The following SYT7 variants were observed in gnomAD, a reference collection of about 807,000 sequenced individuals.
SYT7 encodes the protein synaptotagmin 7.
SYT7 carries 29 observed loss-of-function variants against 75.1 expected under a neutral mutation model. The ratio of observed to expected loss-of-function variants is 0.39; its 90% CI spans 0.29 to 0.53. The LOEUF (loss-of-function observed/expected upper bound fraction) is 0.53, where lower values mean the gene tolerates loss of function less well. Ranked by LOEUF, SYT7 falls within the 20% of genes least tolerant of loss-of-function variation. The pLI, the probability that SYT7 is intolerant of heterozygous loss-of-function variation, is 0.77. For missense variants in SYT7, 693 were observed against 953.2 expected (o/e 0.73, Z 3.59); for synonymous variants, 376 against 401.7 (o/e 0.94, Z 0.76).
At chr11:61,567,819 G>C (rs1428757617) in intron 1 of SYT7, among the ~76,000 whole-genome samples, 2 of 152,202 alleles carry the variant, frequency 1.3e-5, no homozygotes, top group Admixed American at 6.5e-5. Flanking sequence ...CCCCCTCACC[G>C]CTCCCGGGGC....
intron 3 of SYT7, among the ~76,000 whole-genome samples, chr11:61,550,753 C>T (rs1028017450): frequency 6.6e-6 from 1 of 152,146 alleles, no homozygotes; most frequent in Non-Finnish European, 1.5e-5. Context: ...AGAGGGCTGG[C>T]CAAGGTGGTC....
At chr11:61,584,107 G>A (rs1373626001), upstream of SYT7, among the ~76,000 whole-genome samples, 1 of 152,148 alleles carries the variant, frequency 6.6e-6, no homozygotes, top group Non-Finnish European at 1.5e-5. Flanking sequence ...GATACTTGGG[G>A]GACTGGGCGC....
At position 61,531,891 on chromosome 11, in the gene SYT7, C is replaced by CAA. The variant is rs58242073; in HGVS notation, c.1200+1096_1200+1097dup. Reference sequence around the variant, plus strand: ...CCTGGGGGACAGAGTGATTCTGTCTCAAAAAAAAAAAAAAAAAAAAAAAAG... The same window carrying CAA: ...CCTGGGGGACAGAGTGATTCTGTCTCAAAAAAAAAAAAAAAAAAAAAAAAAAG... On this transcript the variant is annotated intron_variant, in intron 8 of 12. Coordinates refer to ENST00000539008, the MANE Select transcript of SYT7 (RefSeq NM_001365809.2). Among the ~76,000 whole-genome samples the CAA allele has an allele frequency of 6.8e-3, 330 of 48,350 alleles. 3 individuals carry two copies. The highest frequency in any genetic ancestry group is 9.5e-3 in the African/African-American group (169 of 17,786). 31.7% of individuals were successfully genotyped at this position (48,350 alleles called of 152,430 possible). A position where few individuals can be genotyped will look rare whatever the true frequency, so the allele number is the denominator to read the frequency against.
intron 1 of SYT7, among the ~76,000 whole-genome samples, chr11:61,571,101 C>T (rs2063908573): frequency 6.6e-6 from 1 of 152,228 alleles, no homozygotes; most frequent in African/African-American, 2.4e-5. Flanking sequence ...GGATTTGAGC[C>T]TCATTACTTT....
At position 61,514,479 on chromosome 11, in the gene SYT7, C is replaced by T. The variant is rs947781084; in HGVS notation, c.*4148G>A. On this transcript the variant is annotated 3_prime_UTR_variant, in exon 13 of 13. Coordinates refer to ENST00000539008, the MANE Select transcript of SYT7 (RefSeq NM_001365809.2). The stretch of plus-strand genomic sequence containing the variant: ...CACTCCTGGTGGGGGCAGGGGCCAG[C>T]AGGTGGACACATGACAATGGGGATG... Among the ~76,000 whole-genome samples, 1 of 152,210 alleles carries T rather than the reference C, an allele frequency of 6.6e-6. No homozygotes were observed. Among genetic ancestry groups the T allele is most frequent in the Non-Finnish European group, 1.5e-5 (1 of 68,034 alleles).
chr11:61,563,851 G>GAGCACC (rs1443633733), intron 1 of SYT7, among the ~76,000 whole-genome samples: 1 of 152,142 alleles, frequency 6.6e-6, no homozygotes, highest in Admixed American at 6.5e-5. Context: ...CCCCAACTGG[G>GAGCACC]AGCACCTAGA....
intron 1 of SYT7, among the ~76,000 whole-genome samples, chr11:61,556,508 C>T (rs1467676269): frequency 6.6e-6 from 1 of 152,236 alleles, no homozygotes; most frequent in Non-Finnish European, 1.5e-5. Flanking sequence ...AACTTGAGAC[C>T]CTCAAAGGGA....
intron 5 of SYT7, among the ~76,000 whole-genome samples, chr11:61,544,347 G>A (rs983265430): frequency 7.9e-5 from 12 of 152,174 alleles, no homozygotes; most frequent in African/African-American, 2.7e-4. Flanking sequence ...CCTGTGGGCT[G>A]AGAGAGAGAA....
intron 6 of SYT7, among the ~76,000 whole-genome samples, chr11:61,539,206 G>A (rs921950252): frequency 1.3e-5 from 2 of 152,144 alleles, no homozygotes; most frequent in Admixed American, 6.5e-5. Flanking sequence ...GTGCTTTGAG[G>A]GAGCACAGTC....
intron 7 of SYT7, among the ~76,000 whole-genome samples, chr11:61,535,748 G>T (rs2062851730): frequency 6.6e-6 from 1 of 152,204 alleles, no homozygotes; most frequent in Admixed American, 6.5e-5. Flanking sequence ...TGAGCCTGCT[G>T]CTCACAGACC....
At chr11:61,571,859 C>T (rs2063930806) in intron 1 of SYT7, among the ~76,000 whole-genome samples, 1 of 152,174 alleles carries the variant, frequency 6.6e-6, no homozygotes, top group East Asian at 1.9e-4. Flanking sequence ...CTGTCATTGC[C>T]AGGTATGGGG....
At chr11:61,565,042 C>T (rs574905928) in intron 1 of SYT7, among the ~76,000 whole-genome samples, 3 of 152,298 alleles carry the variant, frequency 2.0e-5, no homozygotes, top group African/African-American at 7.2e-5. Context: ...AAGCAGAGTG[C>T]TGCTGGGGGT....
At chr11:61,541,964 A>C (rs956346301) in intron 6 of SYT7, among the ~76,000 whole-genome samples, 3 of 152,158 alleles carry the variant, frequency 2.0e-5, no homozygotes, top group African/African-American at 7.2e-5. Context: ...TTTAGGGGGA[A>C]CTTCCCTGAG....
intron 5 of SYT7, among the ~76,000 whole-genome samples, chr11:61,543,363 C>G (rs1383995359): frequency 6.6e-6 from 1 of 152,192 alleles, no homozygotes; most frequent in Non-Finnish European, 1.5e-5. Context: ...GCAGTTCTAA[C>G]AGAGAACAGG....
chr11:61,547,952 G>A (rs2063240543), intron 3 of SYT7, among the ~76,000 whole-genome samples: 1 of 152,202 alleles, frequency 6.6e-6, no homozygotes, highest in Non-Finnish European at 1.5e-5. Flanking sequence ...CCAGCCCCTT[G>A]CCCATCTTTC....
intron 1 of SYT7, among the ~76,000 whole-genome samples, chr11:61,566,777 T>C (rs2063780581): frequency 6.6e-6 from 1 of 152,220 alleles, no homozygotes; most frequent in South Asian, 2.1e-4. Flanking sequence ...CAGCATCTTA[T>C]TGTTATTAAT....
chr11:61,541,277 G>A (rs938356086), intron 6 of SYT7: 6 of 985,426 alleles, frequency 6.1e-6, no homozygotes, highest in Non-Finnish European at 7.2e-6. Context: ...AGACCTGGGC[G>A]ATGGGAACAA....
chr11:61,539,038 G>A (rs1345327797), intron 6 of SYT7, among the ~76,000 whole-genome samples: 1 of 152,206 alleles, frequency 6.6e-6, no homozygotes, highest in Non-Finnish European at 1.5e-5. Flanking sequence ...GAGATCCAGG[G>A]AATGAGCACC....
chr11:61,541,338 G>A (rs2063036217), intron 6 of SYT7: 8 of 982,636 alleles, frequency 8.1e-6, no homozygotes, highest in Non-Finnish European at 9.7e-6. Flanking sequence ...GGGGGGTGAT[G>A]TTGGGGATGG....
Sources: gnomAD v4.1 joint callset for allele counts (sites outside exome capture counted in the v4.1 genomes callset) on GRCh38, gnomAD v4.1.1 for gene constraint, MANE v1.5 for transcripts, NCBI Gene and HGNC (gene_info 2026-07-23, HGNC 2026-07-21) for gene names.